TRMT61A: variants seen among roughly 807,000 people sequenced by gnomAD.
The protein encoded by TRMT61A is tRNA (adenine(58)-N(1))-methyltransferase catalytic subunit TRMT61A.
Under a neutral mutation model 21.3 loss-of-function variants are expected in TRMT61A, and 15 were observed. The ratio of observed to expected loss-of-function variants is 0.70; its 90% CI spans 0.47 to 1.08. TRMT61A has a LOEUF of 1.08. Ranked by LOEUF, TRMT61A falls within the 50% of genes least tolerant of loss-of-function variation. TRMT61A has a pLI of 0.00. For missense variants in TRMT61A, 352 were observed against 426.7 expected (o/e 0.83, Z 1.54); for synonymous variants, 183 against 185.5 (o/e 0.99, Z 0.11).
At position 103,534,613 on chromosome 14, in the gene TRMT61A, C is replaced by T; in HGVS notation, c.662C>T (p.Ala221Val). 3 of 1,604,886 alleles carry T rather than the reference C, an allele frequency of 1.9e-6. No individual in the cohort carries two copies. In the South Asian group the frequency reaches 3.3e-5, roughly 18 times the overall value. The change falls in exon 4 of 4, where the codon GCA becomes GTA. Residue 221 changes from alanine (A) to valine (V), a missense_variant. Transcript: ENST00000389749. ...EQVQRTCQAL[A>V]ARGFSELSTL... ...GTGCAACGCACATGCCAGGCGCTGG[C>T]AGCGCGCGGCTTCTCAGAGCTGAGC... is the stretch of plus-strand genomic sequence containing the variant.
chr14:103,532,823 C>G lies in TRMT61A; in HGVS notation c.573C>G (p.His191Gln). 3 of 1,559,842 alleles carry G rather than the reference C, an allele frequency of 1.9e-6. No homozygotes were observed. The highest frequency in any genetic ancestry group is 2.6e-6 in the Non-Finnish European group (3 of 1,152,188). ...CATCACCCTGGGAGGCCGTGGGCCA[C>G]GCCTGGGACGCCCTCAAGGTCGAAG... ...DIPSPWEAVG[H>Q]AWDALKVEGG... The change falls in exon 3 of 4, where the codon CAC (histidine) becomes CAG (glutamine). Residue 191 changes from histidine to glutamine, a missense_variant. His to Gln is a conservative substitution (Grantham distance 24). Coordinates refer to ENST00000389749, the MANE Select transcript of TRMT61A (RefSeq NM_152307.3).
At chr14:103,533,601 G>C (rs1248969398) in intron 3 of TRMT61A, among the ~76,000 whole-genome samples, 2 of 152,178 alleles carry the variant, frequency 1.3e-5, no homozygotes, top group African/African-American at 4.8e-5. Flanking sequence ...CATAGTCCCA[G>C]GGAGGCTGAA....
chr14:103,530,838 G>A (rs999765867), intron 2 of TRMT61A, among the ~76,000 whole-genome samples: 4 of 152,234 alleles, frequency 2.6e-5, no homozygotes, highest in African/African-American at 7.2e-5. Flanking sequence ...TGCTGGGGCC[G>A]CCCAGTGTGG....
chr14:103,532,932 G>T lies in TRMT61A; in HGVS notation c.598+84G>T, dbSNP rs1252228493. ...ACTGAGCTCCTGGGATCTCAGAGGG[G>T]TCCAGAGACCAAGCCACACCATGGC... On this transcript the variant is annotated intron_variant, in intron 3 of 3. Coordinates refer to ENST00000389749, the MANE Select transcript of TRMT61A (RefSeq NM_152307.3). The T allele has an allele frequency of 6.2e-6, 9 of 1,460,206 alleles. No homozygotes were observed. The East Asian group carries it at 2.0e-4, about 32-fold the overall frequency. The allele number at this position is 1,460,206 out of a possible 1,614,324, so 90.5% of individuals were successfully genotyped here.
At position 103,535,833 on chromosome 14, in the gene TRMT61A, T is replaced by C; in HGVS notation, c.*1012T>C. On this transcript the variant is annotated 3_prime_UTR_variant, in exon 4 of 4. Transcript: ENST00000389749. ...GGCTGGGGGCTCTCCTCGCCCGCCCTGGTGTCTGACAGCCTCAAGGAAGGA... is the reference window on the plus strand; with the variant it reads ...GGCTGGGGGCTCTCCTCGCCCGCCCCGGTGTCTGACAGCCTCAAGGAAGGA... 6.5e-6 allele frequency: 1 copy of C among 155,016 alleles called. No homozygotes were observed. The allele number at this position is 155,016 out of a possible 1,614,324, so 9.6% of individuals were successfully genotyped here.
At chr14:103,533,706 C>T (rs2075962865) in intron 3 of TRMT61A, among the ~76,000 whole-genome samples, 2 of 152,208 alleles carry the variant, frequency 1.3e-5, no homozygotes, top group African/African-American at 4.8e-5. Context: ...GGGACCTGTC[C>T]CTTTCCCTGC....
At chr14:103,534,141 C>T (rs2075964645) in intron 3 of TRMT61A, among the ~76,000 whole-genome samples, 1 of 152,222 alleles carries the variant, frequency 6.6e-6, no homozygotes, top group South Asian at 2.1e-4. Flanking sequence ...GCGACAGCCT[C>T]TAATTTCCTG....
chr14:103,532,979 C>G, intron 3 of TRMT61A, 131 bp downstream of exon 3: 1 of 1,299,658 alleles, frequency 7.7e-7, no homozygotes, highest in Non-Finnish European at 1.0e-6. Context: ...CAGGGCCCCA[C>G]TTTGGCCTGA....
At chr14:103,529,293 C>T in intron 1 of TRMT61A, 32 bp downstream of exon 1, 1 of 261,010 alleles carries the variant, frequency 3.8e-6, no homozygotes, top group South Asian at 2.9e-5. Flanking sequence ...GGTGGCAGGG[C>T]GCGGGTGAGG....
rs559746201 is a variant in TRMT61A, at chr14:103,533,261, C to T, written c.598+413C>T. ...GAGGCGGGGCAGCCCTGGGGAAGGTCGGGCCTCAAGCCAGGGAGGTGGCTG... is the reference window on the plus strand; with the variant it reads ...GAGGCGGGGCAGCCCTGGGGAAGGTTGGGCCTCAAGCCAGGGAGGTGGCTG... On this transcript the variant is annotated intron_variant, in intron 3 of 3. Transcript: ENST00000389749. 7.9e-5 allele frequency among the ~76,000 whole-genome samples: 12 copies of T among 152,312 alleles called. No homozygotes were observed. The South Asian group carries it at 8.3e-4, about 11-fold the overall frequency.
rs543505788 is a variant in TRMT61A at position 103,536,992 on chromosome 14, C to G, written c.*2171C>G. On this transcript the variant is annotated 3_prime_UTR_variant, in exon 4 of 4. Transcript: ENST00000389749. ...CACCCCCACCGTATGGCCCTCTAGA[C>G]CCAGCTGGGCCTCACCCCACTCCCT... The G allele has an allele frequency of 2.0e-5, 3 of 152,544 alleles. No homozygotes were observed. The highest frequency in any genetic ancestry group is 7.2e-5 in the African/African-American group (3 of 41,576). The allele number at this position is 152,544 out of a possible 1,614,324, so 9.4% of individuals were successfully genotyped here.
rs770442853 is a variant in TRMT61A at position 103,534,770 on chromosome 14, G to A, written c.819G>A (p.Glu273=). Residue 273 remains glutamate (E), a synonymous_variant, in exon 4 of 4, where the codon GAG becomes GAA. Transcript: ENST00000389749. The part of the protein sequence containing the change: ...SPFRSGTPMK[E]AVGHTGYLTF... Reference sequence around the variant, plus strand: ...TCCGCAGCGGCACGCCCATGAAGGAGGCCGTGGGCCACACCGGCTACCTGA... The same window carrying A: ...TCCGCAGCGGCACGCCCATGAAGGAAGCCGTGGGCCACACCGGCTACCTGA... 7.6e-6 allele frequency: 12 copies of A among 1,574,070 alleles called. No individual in the cohort carries two copies. The South Asian group carries it at 1.4e-4, about 18-fold the overall frequency.
At chr14:103,534,087 G>C (rs538631221) in intron 3 of TRMT61A, among the ~76,000 whole-genome samples, 30 of 152,308 alleles carry the variant, frequency 2.0e-4, no homozygotes, top group African/African-American at 6.5e-4. Context: ...GGGCTGTCAT[G>C]CTCGGGCTCT....
chr14:103,533,501 G>T (rs1336349276), intron 3 of TRMT61A, among the ~76,000 whole-genome samples: 2 of 152,170 alleles, frequency 1.3e-5, no homozygotes, highest in African/African-American at 4.8e-5. Context: ...TGACTCCTGG[G>T]TCCTGGTCTC....
chr14:103,535,202 G>C lies in TRMT61A; in HGVS notation c.*381G>C, dbSNP rs533160742. 1 of 495,534 alleles carries C rather than the reference G, an allele frequency of 2.0e-6. No individual in the cohort carries two copies. Among genetic ancestry groups the C allele is most frequent in the Admixed American group, 2.3e-5 (1 of 43,502 alleles). 30.7% of individuals were successfully genotyped at this position (495,534 alleles called of 1,614,324 possible). On this transcript the variant is annotated 3_prime_UTR_variant, in exon 4 of 4. Transcript: ENST00000389749. ...AGGGGGGCATTGACCCTGAGACCAC[G>C]CTGCGTCTGACCCCTGGGCCCCCAC...
Position 103,535,725 on chromosome 14 carries a change from C to T in TRMT61A, c.*904C>T, listed in dbSNP as rs1269804875. ...GGGGAGGTGCATTCAGGACACCACC[C>T]AGGGACAGTGCCTATGTGATCACCT... On this transcript the variant is annotated 3_prime_UTR_variant, in exon 4 of 4. Coordinates refer to ENST00000389749, the MANE Select transcript of TRMT61A (RefSeq NM_152307.3). The T allele has an allele frequency of 8.3e-6, 2 of 241,768 alleles. No homozygotes were observed. The highest frequency in any genetic ancestry group is 1.7e-5 in the Non-Finnish European group (2 of 120,076). 15.0% of individuals were successfully genotyped at this position (241,768 alleles called of 1,614,324 possible).
Position 103,530,214 on chromosome 14 carries a change from AC to A in TRMT61A, c.238del (p.Leu80CysfsTer18). The A allele has an allele frequency of 4.3e-6, 7 of 1,611,146 alleles. No individual in the cohort carries two copies. The highest frequency in any genetic ancestry group is 5.9e-6 in the Non-Finnish European group (7 of 1,178,954). On this transcript the variant is annotated frameshift_variant, in exon 2 of 4. Transcript: ENST00000389749. LOFTEE classifies it high-confidence loss of function. ...LHPTPELWTL[N>X]LPHRTQILYS... ...CCCACGCCCGAGCTCTGGACGCTGA[AC>A]CTGCCGCACCGCACGCAGATCCTCT...
In TRMT61A at chr14:103,535,435, C is replaced by T; in HGVS notation, c.*614C>T. On this transcript the variant is annotated 3_prime_UTR_variant, in exon 4 of 4. Coordinates refer to ENST00000389749, the MANE Select transcript of TRMT61A (RefSeq NM_152307.3). ...CTGATGTCACAGCACTGAGCTCAGC[C>T]CAGGCCTTCGTCCACTCATGTCCAA... The T allele has an allele frequency of 4.6e-6, 2 of 433,212 alleles. No homozygotes were observed. Among genetic ancestry groups the T allele is most frequent in the Non-Finnish European group, 9.2e-6 (2 of 216,404 alleles). 26.8% of individuals were successfully genotyped at this position (433,212 alleles called of 1,614,324 possible).
intron 2 of TRMT61A, among the ~76,000 whole-genome samples, chr14:103,532,148 C>T (rs919050928): frequency 6.6e-6 from 1 of 152,050 alleles, no homozygotes; most frequent in Non-Finnish European, 1.5e-5. Flanking sequence ...GGGTGGGCCA[C>T]TGTTGACGGG....
Sources: gnomAD v4.1 joint callset for allele counts (sites outside exome capture counted in the v4.1 genomes callset) on GRCh38, gnomAD v4.1.1 for gene constraint, MANE v1.5 for transcripts, NCBI Gene and HGNC (gene_info 2026-07-23, HGNC 2026-07-21) for gene names.